DIAPH3: variants seen among roughly 807,000 people sequenced by gnomAD.
The protein encoded by DIAPH3 is diaphanous related formin 3, also known as protein diaphanous homolog 3.
DIAPH3 carries 117 observed loss-of-function variants against 144.3 expected under a neutral mutation model. That is an observed-to-expected ratio of 0.81 (90% CI 0.70 to 0.95). The LOEUF (loss-of-function observed/expected upper bound fraction) is 0.95, where lower values mean the gene tolerates loss of function less well. Among genes scored for constraint, DIAPH3 ranks in the 40% least tolerant of loss-of-function variants. The pLI, the probability that DIAPH3 is intolerant of heterozygous loss-of-function variation, is 0.00. For synonymous variants in DIAPH3, 519 were observed against 488.9 expected, an observed-to-expected ratio of 1.06 and a Z score of -0.81; for missense variants, 1,421 against 1,412.7, an observed-to-expected ratio of 1.01 and a Z score of -0.09.
intron 1 of DIAPH3, among the ~76,000 whole-genome samples, chr13:60,159,443 T>G (rs1008174243): frequency 5.3e-5 from 8 of 151,646 alleles, no homozygotes; most frequent in African/African-American, 1.7e-4. Context: ...CTGGCCAACA[T>G]GGTGAAGCCT....
chr13:60,140,793 T>C (rs970170731), intron 1 of DIAPH3, among the ~76,000 whole-genome samples: 13 of 150,282 alleles, frequency 8.7e-5, no homozygotes. Flanking sequence ...AAAATGTATG[T>C]ATTAGTAAAA....
chr13:59,977,343 T>C (rs1297262340), intron 14 of DIAPH3, among the ~76,000 whole-genome samples: 2 of 151,754 alleles, frequency 1.3e-5, no homozygotes, highest in Non-Finnish European at 1.5e-5. Context: ...CAAGCAATAC[T>C]TTGTAAGGGG....
At chr13:59,677,558 T>C (rs2032711181) in intron 27 of DIAPH3, among the ~76,000 whole-genome samples, 1 of 152,182 alleles carries the variant, frequency 6.6e-6, no homozygotes, top group African/African-American at 2.4e-5. Context: ...CAAAATCAAA[T>C]GTGTATTTCA....
intron 17 of DIAPH3, among the ~76,000 whole-genome samples, chr13:59,940,017 A>G (rs150982559): frequency 6.6e-6 from 1 of 152,210 alleles, no homozygotes; most frequent in Non-Finnish European, 1.5e-5. Flanking sequence ...GCCAATGTCC[A>G]TATTTAAAGT....
chr13:59,701,708 G>A (rs1299704508), intron 27 of DIAPH3, among the ~76,000 whole-genome samples: 1 of 152,122 alleles, frequency 6.6e-6, no homozygotes, highest in African/African-American at 2.4e-5. Flanking sequence ...CAAATGAATG[G>A]GGAAATCTTT....
At chr13:59,717,784 T>A (rs1368331893) in intron 27 of DIAPH3, among the ~76,000 whole-genome samples, 1 of 150,922 alleles carries the variant, frequency 6.6e-6, no homozygotes, top group Admixed American at 6.6e-5. Flanking sequence ...ACCCTTGGAG[T>A]TCCATTCTAC....
intron 21 of DIAPH3, among the ~76,000 whole-genome samples, chr13:59,871,906 T>C (rs2044303524): frequency 6.6e-6 from 1 of 152,224 alleles, no homozygotes; most frequent in South Asian, 2.1e-4. Flanking sequence ...TCCGTTATCT[T>C]TTTAACATCC....
At chr13:60,156,731 A>C (rs371792396) in intron 1 of DIAPH3, among the ~76,000 whole-genome samples, 3 of 151,534 alleles carry the variant, frequency 2.0e-5, no homozygotes, top group Non-Finnish European at 2.9e-5. Context: ...TGAAGTCCAA[A>C]GTGGCATATT....
chr13:60,160,102 T>C (rs1181866419), intron 1 of DIAPH3, among the ~76,000 whole-genome samples: 1 of 152,034 alleles, frequency 6.6e-6, no homozygotes, highest in Non-Finnish European at 1.5e-5. Context: ...TGGGCACCTG[T>C]AGTCCCAACT....
intron 4 of DIAPH3, among the ~76,000 whole-genome samples, chr13:60,051,961 G>GC (rs1241781856): frequency 6.6e-6 from 1 of 152,184 alleles, no homozygotes; most frequent in Non-Finnish European, 1.5e-5. Flanking sequence ...ACTGTTAAGG[G>GC]CTTGCTTATT....
At chr13:60,076,615 T>C (rs1387992402) in intron 4 of DIAPH3, among the ~76,000 whole-genome samples, 2 of 152,210 alleles carry the variant, frequency 1.3e-5, no homozygotes, top group Non-Finnish European at 2.9e-5. Context: ...TAGAGATAAA[T>C]GCCTCATCTT....
intron 17 of DIAPH3, among the ~76,000 whole-genome samples, chr13:59,933,451 G>T (rs2048117709): frequency 6.6e-6 from 1 of 152,172 alleles, no homozygotes; most frequent in South Asian, 2.1e-4. Flanking sequence ...GCACACTTCA[G>T]GCTCAAACCC....
Position 59,711,335 on chromosome 13 carries a change from G to GT in DIAPH3, c.3320-44490dup, listed in dbSNP as rs950395522. Among the ~76,000 whole-genome samples the GT allele has an allele frequency of 6.9e-4, 105 of 151,418 alleles. 1 individual carries two copies. The highest frequency in any genetic ancestry group is 9.2e-4 in the Admixed American group (14 of 15,166). The stretch of plus-strand genomic sequence containing the variant: ...CTGAGCATCCTGCAGCTAACAGCAG[G>GT]TTTTTTTTTCCCTATAATCTACTAC... On this transcript the variant is annotated intron_variant, in intron 27 of 27. Coordinates refer to ENST00000400324, the MANE Select transcript of DIAPH3 (RefSeq NM_001042517.2).
chr13:60,038,129 T>C (rs937431221), intron 5 of DIAPH3, among the ~76,000 whole-genome samples: 11 of 151,918 alleles, frequency 7.2e-5, no homozygotes, highest in African/African-American at 2.4e-4. Flanking sequence ...GGAAGGGGTG[T>C]TTAGGAATGA....
intron 25 of DIAPH3, among the ~76,000 whole-genome samples, chr13:59,778,356 A>G (rs148128218): frequency 6.6e-6 from 1 of 152,326 alleles, no homozygotes; most frequent in African/African-American, 2.4e-5. Flanking sequence ...GAGGGCAGGG[A>G]TTATAGATTT....
chr13:60,126,069 G>C (rs1411767802), intron 2 of DIAPH3, among the ~76,000 whole-genome samples: 1 of 152,144 alleles, frequency 6.6e-6, no homozygotes, highest in Non-Finnish European at 1.5e-5. Flanking sequence ...TCAATTGGAG[G>C]AAAAGGTCCT....
chr13:60,060,479 T>A (rs999474561), intron 4 of DIAPH3, among the ~76,000 whole-genome samples: 6 of 152,260 alleles, frequency 3.9e-5, no homozygotes, highest in African/African-American at 1.4e-4. Flanking sequence ...GTGCAGTTTA[T>A]AGAGTAAAGC....
intron 25 of DIAPH3, among the ~76,000 whole-genome samples, chr13:59,803,972 A>G (rs2040068459): frequency 6.6e-6 from 1 of 152,210 alleles, no homozygotes; most frequent in Non-Finnish European, 1.5e-5. Context: ...CAGGGCACAC[A>G]TTACAAGTAA....
chr13:60,131,708 ATGAC>A (rs1164633784), intron 2 of DIAPH3, among the ~76,000 whole-genome samples: 2 of 152,218 alleles, frequency 1.3e-5, no homozygotes, highest in Admixed American at 1.3e-4. Context: ...TGTTCTAAAA[ATGAC>A]TGTAGTAATG....
Sources: allele counts gnomAD v4.1 joint callset (sites outside exome capture counted in the v4.1 genomes callset), GRCh38; gene constraint gnomAD v4.1.1; transcripts MANE v1.5; gene names NCBI Gene and HGNC (gene_info 2026-07-23, HGNC 2026-07-21).